CSMD1: variants seen among roughly 807,000 people sequenced by gnomAD.
The protein encoded by CSMD1 is CUB and Sushi multiple domains 1.
A neutral mutation model predicts 417.5 loss-of-function variants in CSMD1; 213 were observed. The observed-to-expected ratio is 0.51, with a 90% CI of 0.46 to 0.57. CSMD1 has a LOEUF of 0.57. CSMD1 is among the 20% of genes least tolerant of loss of function. The pLI is 0.00. For synonymous variants in CSMD1, 2,862 were observed against 1,736.8 expected, an observed-to-expected ratio of 1.65 and a Z score of -16.11; for missense variants, 6,923 against 4,529.7, an observed-to-expected ratio of 1.53 and a Z score of -15.17.
intron 5 of CSMD1, among the ~76,000 whole-genome samples, chr8:3,912,789 A>G (rs77310687): frequency 1.5e-3 from 227 of 152,220 alleles, no homozygotes; most frequent in African/African-American, 5.2e-3. Context: ...AAGGCATGCA[A>G]TGCTAGCTAG....
intron 3 of CSMD1, among the ~76,000 whole-genome samples, chr8:4,123,279 T>C (rs918595290): frequency 1.7e-4 from 26 of 152,226 alleles, no homozygotes; most frequent in Admixed American, 4.6e-4. Flanking sequence ...TTTTAGAATA[T>C]ATTAGGTCAA....
chr8:3,385,928 T>C (rs1364734741), intron 18 of CSMD1, among the ~76,000 whole-genome samples: 2 of 152,062 alleles, frequency 1.3e-5, no homozygotes, highest in East Asian at 3.9e-4. Context: ...AAGCACTAGG[T>C]AATTTCTGCC....
intron 1 of CSMD1, among the ~76,000 whole-genome samples, chr8:4,650,575 C>G (rs1048330498): frequency 6.6e-6 from 1 of 151,896 alleles, no homozygotes; most frequent in Non-Finnish European, 1.5e-5. Flanking sequence ...GACATTGAAA[C>G]TCCACGGAGA....
chr8:3,507,450 T>G (rs1355569933), intron 10 of CSMD1, among the ~76,000 whole-genome samples: 4 of 152,212 alleles, frequency 2.6e-5, no homozygotes, highest in African/African-American at 9.6e-5. Context: ...TTGTGAATAG[T>G]GCCACAGTAA....
intron 26 of CSMD1, among the ~76,000 whole-genome samples, chr8:3,281,850 T>A (rs1242393543): frequency 6.6e-6 from 1 of 152,082 alleles, no homozygotes; most frequent in Non-Finnish European, 1.5e-5. Flanking sequence ...GAGGGGTTGA[T>A]TGGATCATGG....
intron 26 of CSMD1, among the ~76,000 whole-genome samples, chr8:3,258,712 C>T (rs952543473): frequency 9.2e-5 from 14 of 152,086 alleles, no homozygotes; most frequent in Admixed American, 8.5e-4. Flanking sequence ...CAGTGATAGA[C>T]TGGATAAAGA....
At position 4,021,683 on chromosome 8, in the gene CSMD1, T is replaced by C. The variant is rs76408723; in HGVS notation, c.610+10222A>G. 7.0e-3 allele frequency among the ~76,000 whole-genome samples: 1,063 copies of C among 152,336 alleles called. 58 individuals are homozygous for C. The East Asian group carries it at 0.14, about 20-fold the overall frequency. On this transcript the variant is annotated intron_variant, in intron 4 of 69. Transcript: ENST00000635120. ...CTCTTTTGGCGCATACCTGCGAAACTTGTTCGGAGTGACTATTTTTTTCTC... is the reference window on the plus strand; with the variant it reads ...CTCTTTTGGCGCATACCTGCGAAACCTGTTCGGAGTGACTATTTTTTTCTC...
At chr8:4,579,849 C>T (rs972836100) in intron 2 of CSMD1, among the ~76,000 whole-genome samples, 1 of 152,236 alleles carries the variant, frequency 6.6e-6, no homozygotes, top group African/African-American at 2.4e-5. Context: ...CTCAGATAAA[C>T]ATTTCCCAAG....
At chr8:4,780,576 T>G (rs1283567799) in intron 1 of CSMD1, among the ~76,000 whole-genome samples, 1 of 123,706 alleles carries the variant, frequency 8.1e-6, no homozygotes, top group Admixed American at 8.1e-5. Flanking sequence ...TTTATATTTA[T>G]TTTTTTCCAT....
intron 5 of CSMD1, among the ~76,000 whole-genome samples, chr8:3,836,364 G>A (rs755733272): frequency 6.6e-6 from 1 of 152,108 alleles, no homozygotes; most frequent in Admixed American, 6.6e-5. Context: ...CTATATCCTT[G>A]TGGGAATCCC....
intron 23 of CSMD1, among the ~76,000 whole-genome samples, chr8:3,311,693 A>C (rs1458701468): frequency 1.3e-5 from 2 of 152,324 alleles, no homozygotes; most frequent in Admixed American, 1.3e-4. Flanking sequence ...ACATCATTAT[A>C]AAGTTGAAAA....
chr8:4,785,558 C>T (rs1293743025), intron 1 of CSMD1, among the ~76,000 whole-genome samples: 1 of 152,120 alleles, frequency 6.6e-6, no homozygotes, highest in Non-Finnish European at 1.5e-5. Flanking sequence ...TGATTCACAT[C>T]CATCTCCATA....
rs1412648323 is a variant in CSMD1, at chr8:2,961,166, A to C, written c.9677T>G (p.Ile3226Arg). 1 of 1,603,088 alleles carries C rather than the reference A, an allele frequency of 6.2e-7. No individual in the cohort carries two copies. The highest frequency in any genetic ancestry group is 1.1e-5 in the South Asian group (1 of 89,986). ...CTCATAGCCTCTGGAGCTATTCTGT[A>C]TTCCAAAGTGTGGCGTACCAGGGTC... ...CPDPGTPHFG[I>R]QNSSRGYEVG... Residue 3226 changes from isoleucine (I) to arginine (R), a missense_variant, in exon 62 of 70, where the codon ATA (isoleucine) becomes AGA (arginine). Transcript: ENST00000635120.
intron 4 of CSMD1, among the ~76,000 whole-genome samples, chr8:4,026,539 G>C (rs183416496): frequency 6.6e-6 from 1 of 152,298 alleles, no homozygotes; most frequent in East Asian, 1.9e-4. Flanking sequence ...AATAAACAAT[G>C]AAGGAAAATA....
chr8:2,995,640 T>C (rs1206096865), intron 54 of CSMD1, among the ~76,000 whole-genome samples: 3 of 152,160 alleles, frequency 2.0e-5, no homozygotes, highest in Middle Eastern at 6.3e-3. Flanking sequence ...AAGTCTGGAA[T>C]CAACCCAGAC....
At chr8:3,949,944 A>G (rs1304590710) in intron 5 of CSMD1, 4 of 455,866 alleles carry the variant, frequency 8.8e-6, no homozygotes, top group African/African-American at 2.0e-5. Context: ...ACACACATGG[A>G]GAGGTTCATG....
intron 2 of CSMD1, among the ~76,000 whole-genome samples, chr8:4,461,691 T>C (rs1799831061): frequency 1.3e-5 from 2 of 150,700 alleles, no homozygotes; most frequent in South Asian, 4.2e-4. Context: ...GCTGGGGCCA[T>C]GGGCAAACAC....
At chr8:4,121,416 A>C (rs1405711029) in intron 3 of CSMD1, among the ~76,000 whole-genome samples, 1 of 152,136 alleles carries the variant, frequency 6.6e-6, no homozygotes, top group Non-Finnish European at 1.5e-5. Flanking sequence ...TGTATTTTTC[A>C]TTACAGAATT....
intron 3 of CSMD1, among the ~76,000 whole-genome samples, chr8:4,130,270 T>C (rs886197510): frequency 6.6e-6 from 1 of 152,200 alleles, no homozygotes; most frequent in African/African-American, 2.4e-5. Context: ...TCTATATTCA[T>C]GCAAACGATT....
Sources: allele counts gnomAD v4.1 joint callset (sites outside exome capture counted in the v4.1 genomes callset), GRCh38; gene constraint gnomAD v4.1.1; transcripts MANE v1.5; gene names NCBI Gene and HGNC (gene_info 2026-07-23, HGNC 2026-07-21).